The following ACSL6 variants were observed in gnomAD, a reference collection of about 807,000 sequenced individuals.
ACSL6 encodes acyl-CoA synthetase long chain family member 6, also known as long-chain-fatty-acid--CoA ligase 6.
Under a neutral mutation model 98.2 loss-of-function variants are expected in ACSL6, and 47 were observed. The ratio of observed to expected loss-of-function variants is 0.48; its 90% CI spans 0.38 to 0.61. The LOEUF (loss-of-function observed/expected upper bound fraction) is 0.61, where lower values mean the gene tolerates loss of function less well. ACSL6 is among the 20% of genes least tolerant of loss of function. ACSL6 has a pLI of 0.00. For synonymous variants in ACSL6, 362 were observed against 336.9 expected (o/e 1.07, Z -0.82); for missense variants, 761 against 913.4 (o/e 0.83, Z 2.15).
intron 18 of ACSL6, among the ~76,000 whole-genome samples, chr5:131,961,111 A>C (rs1319707107): frequency 6.6e-6 from 1 of 151,880 alleles, no homozygotes; most frequent in Non-Finnish European, 1.5e-5. Context: ...TGCAGCCTCG[A>C]CCTCCTGAGC....
intron 1 of ACSL6, chr5:131,994,529 A>G: frequency 4.5e-6 from 2 of 445,188 alleles, no homozygotes; most frequent in Non-Finnish European, 8.3e-6. Flanking sequence ...AGCTGCTTCC[A>G]TATTTTCCAG....
chr5:131,974,880 G>T lies in ACSL6; in HGVS notation c.1068+13C>A. On this transcript the variant is annotated intron_variant, in intron 11 of 20. Coordinates refer to ENST00000651883, the MANE Select transcript of ACSL6 (RefSeq NM_001009185.3). ...GCCCAGGCAAGGCCCGGTCAGTCAGGTGGGTGTCTTACCTGGATTACTCTC... is the reference window on the plus strand; with the variant it reads ...GCCCAGGCAAGGCCCGGTCAGTCAGTTGGGTGTCTTACCTGGATTACTCTC... 1 of 1,614,170 alleles carries T rather than the reference G, an allele frequency of 6.2e-7. No homozygotes were observed. The highest frequency in any genetic ancestry group is 8.5e-7 in the Non-Finnish European group (1 of 1,180,034).
In ACSL6 at chr5:131,953,186, C is replaced by T. The variant is rs1053333884; in HGVS notation, c.*1048G>A. 2 of 196,894 alleles carry T rather than the reference C, an allele frequency of 1.0e-5. No individual in the cohort carries two copies. Among genetic ancestry groups the T allele is most frequent in the Non-Finnish European group, 2.1e-5 (2 of 95,102 alleles). 12.2% of individuals were successfully genotyped at this position (196,894 alleles called of 1,614,324 possible). A position where few individuals can be genotyped will look rare whatever the true frequency, so the allele number is the denominator to read the frequency against. On this transcript the variant is annotated 3_prime_UTR_variant, in exon 21 of 21. Coordinates refer to ENST00000651883, the MANE Select transcript of ACSL6 (RefSeq NM_001009185.3). ...ATAATAAGAAGTCCATGAACATACA[C>T]ACACTATCCTTGAATAGTTTTACAT... is the stretch of plus-strand genomic sequence containing the variant.
rs559864552 is a variant in ACSL6, at chr5:132,007,781, C to A, written c.49+3724G>T. ...TACTTAATGAGTATTTGAGTGCCTA[C>A]TATGTGCCCAGTGCTGGCTGGATAC... On this transcript the variant is annotated intron_variant, in intron 1 of 20. Transcript: ENST00000651883. 1.8e-4 allele frequency among the ~76,000 whole-genome samples: 27 copies of A among 152,340 alleles called. No individual in the cohort carries two copies. In the South Asian group the frequency reaches 2.1e-3, roughly 12 times the overall value.
At chr5:131,957,218 C>A (rs946589697) in intron 20 of ACSL6, among the ~76,000 whole-genome samples, 37 of 152,178 alleles carry the variant, frequency 2.4e-4, no homozygotes, top group African/African-American at 8.7e-4. Context: ...GGGAAATGCT[C>A]ATTTTCTTAT....
At chr5:131,965,273 C>A (rs1752953630) in intron 17 of ACSL6, among the ~76,000 whole-genome samples, 1 of 152,204 alleles carries the variant, frequency 6.6e-6, no homozygotes, top group African/African-American at 2.4e-5. Flanking sequence ...GGCAAGAGTG[C>A]TCAGTGTCAG....
Position 131,968,007 on chromosome 5 carries a change from G to A in ACSL6, c.1529C>T (p.Pro510Leu). 1.9e-6 allele frequency: 3 copies of A among 1,613,892 alleles called. No homozygotes were observed. Among genetic ancestry groups the A allele is most frequent in the Non-Finnish European group, 1.7e-6 (2 of 1,179,876 alleles). The change falls in exon 16 of 21, where the codon CCC (proline) becomes CTC (leucine). Residue 510 changes from proline to leucine, a missense_variant. Physicochemically the swap from Pro to Leu is moderately conservative, Grantham distance 98. Transcript: ENST00000651883. ...ATCAACGAGCTTGATATGATTGCAG[G>A]GAAGTGGCGCCCCTACGTGCCCTGG... ...WTSGHVGAPL[P>L]CNHIKLVDVE...
At position 132,011,577 on chromosome 5, in the gene ACSL6, G is replaced by C. The variant is rs762992813; in HGVS notation, c.-24C>G. 6.6e-6 allele frequency: 10 copies of C among 1,514,950 alleles called. No individual in the cohort carries two copies. Among genetic ancestry groups the C allele is most frequent in the African/African-American group, 1.5e-5 (1 of 68,912 alleles). The allele number at this position is 1,514,950 out of a possible 1,614,324, so 93.8% of individuals were successfully genotyped here. ...ATGGCGGTCAGCGGGGCCCGGCCCG[G>C]CCCGGCCCGGCCTCCCCGACCCGCA... On this transcript the variant is annotated 5_prime_UTR_variant, in exon 1 of 21. Transcript: ENST00000651883. This position sits in a 1 kb window ranked among gnomAD's most constrained non-coding sequence, Gnocchi z 5.4.
At chr5:131,959,326 T>A (rs1752579140) in intron 20 of ACSL6, among the ~76,000 whole-genome samples, 2 of 152,234 alleles carry the variant, frequency 1.3e-5, no homozygotes, top group Non-Finnish European at 2.9e-5. Flanking sequence ...AAGTTTGTAA[T>A]TATAAGGATG....
intron 17 of ACSL6, 89 bp downstream of exon 17, chr5:131,966,327 A>G: frequency 1.6e-6 from 2 of 1,272,916 alleles, no homozygotes; most frequent in Non-Finnish European, 2.3e-6. Context: ...GTCAGGGGGG[A>G]TTTGGAGAAG....
chr5:131,973,479 G>T, intron 11 of ACSL6, 79 bp from the exon 12 acceptor site: 2 of 1,485,204 alleles, frequency 1.3e-6, no homozygotes, highest in East Asian at 2.4e-5. Flanking sequence ...CCAAAGTGCT[G>T]CCCTACATGG....
chr5:131,987,688 CCT>C (rs1243662805), intron 7 of ACSL6, among the ~76,000 whole-genome samples: 1 of 152,206 alleles, frequency 6.6e-6, no homozygotes, highest in Non-Finnish European at 1.5e-5. Flanking sequence ...CTCCCAGACT[CCT>C]GGACCTATGT....
At chr5:132,002,535 G>C (rs1207570968) in intron 1 of ACSL6, among the ~76,000 whole-genome samples, 1 of 152,168 alleles carries the variant, frequency 6.6e-6, no homozygotes, top group Non-Finnish European at 1.5e-5. Context: ...GGGAGCAACA[G>C]AGGGATTTGC....
chr5:131,962,197 G>A (rs1752747769), intron 18 of ACSL6, among the ~76,000 whole-genome samples: 1 of 151,916 alleles, frequency 6.6e-6, no homozygotes, highest in African/African-American at 2.4e-5. Flanking sequence ...GCGAGACCCT[G>A]TCTCAATAAT....
At chr5:131,998,539 A>G (rs74984337) in intron 1 of ACSL6, among the ~76,000 whole-genome samples, 1,919 of 152,212 alleles carry the variant, frequency 0.013, 40 homozygotes, top group African/African-American at 0.044. Flanking sequence ...GCAGAAGCAA[A>G]GCCCCAGAGC....
intron 15 of ACSL6, 127 bp downstream of exon 15, chr5:131,970,001 T>C: frequency 6.3e-6 from 5 of 791,000 alleles, no homozygotes; most frequent in South Asian, 3.1e-5. Context: ...TTAATGTTTT[T>C]TTCTGTCTCT....
chr5:131,981,473 C>T (rs1335833975), intron 9 of ACSL6, among the ~76,000 whole-genome samples: 3 of 151,568 alleles, frequency 2.0e-5, no homozygotes, highest in Non-Finnish European at 4.4e-5. Context: ...GAACATCAAC[C>T]AGCATCCCAG....
rs371438988 is a variant in ACSL6 at position 131,966,462 on chromosome 5, T to C, written c.1667A>G (p.Asp556Gly). 2 of 1,614,094 alleles carry C rather than the reference T, an allele frequency of 1.2e-6. No individual in the cohort carries two copies. Among genetic ancestry groups the C allele is most frequent in the Non-Finnish European group, 1.7e-6 (2 of 1,180,044 alleles). The change falls in exon 17 of 21, where the codon GAC (aspartate) becomes GGC (glycine). Residue 556 changes from aspartate to glycine, a missense_variant. Transcript: ENST00000651883. ...KDPDRTKEALDSDGWLHTGDI... is the reference protein window; with the variant it reads ...KDPDRTKEALGSDGWLHTGDI... ...TCCAGTGTGAAGCCAGCCATCGCTG[T>C]CCAGGGCCTCCTTCGTCCTGTCTGG...
chr5:131,972,777 C>G lies in ACSL6; in HGVS notation c.1285G>C (p.Gly429Arg). 6.2e-6 allele frequency: 10 copies of G among 1,614,114 alleles called. No individual in the cohort carries two copies. The highest frequency in any genetic ancestry group is 8.5e-6 in the Non-Finnish European group (10 of 1,180,032). Residue 429 changes from glycine to arginine, a missense_variant, in exon 13 of 21, where the codon GGA becomes CGA. Gly to Arg is a moderately radical substitution (Grantham distance 125). Coordinates refer to ENST00000651883, the MANE Select transcript of ACSL6 (RefSeq NM_001009185.3). ...CAGATACTATCATTCCTGATGATTC[C>G]ACTCCGGACCTCGGCTTGCTTACGC... ...AKRKQAEVRS[G>R]IIRNDSIWDE...
Sources: allele counts gnomAD v4.1 joint callset (sites outside exome capture counted in the v4.1 genomes callset), GRCh38; gene constraint gnomAD v4.1.1; non-coding constraint Gnocchi (gnomAD v3.1); transcripts MANE v1.5; gene names NCBI Gene and HGNC (gene_info 2026-07-23, HGNC 2026-07-21).